SOX5: variants seen among roughly 807,000 people sequenced by gnomAD.
The protein encoded by SOX5 is SRY-box transcription factor 5.
Under a neutral mutation model 92.0 loss-of-function variants are expected in SOX5, and 9 were observed. The observed-to-expected ratio is 0.10, with a 90% confidence interval of 0.06 to 0.17. The LOEUF is 0.17. Among genes scored for constraint, SOX5 ranks in the 10% least tolerant of loss-of-function variants. The pLI is 1.00. For synonymous variants in SOX5, 344 were observed against 336.3 expected, an observed-to-expected ratio of 1.02 and a Z score of -0.25; for missense variants, 642 against 944.5, an observed-to-expected ratio of 0.68 and a Z score of 4.20.
chr12:23,667,702 G>A (rs1420715486), intron 6 of SOX5, among the ~76,000 whole-genome samples: 4 of 152,010 alleles, frequency 2.6e-5, no homozygotes, highest in African/African-American at 7.2e-5. Context: ...AACTGAAAGA[G>A]GAACTACAAG....
At chr12:23,919,728 G>C (rs2097461347) in intron 1 of SOX5, among the ~76,000 whole-genome samples, 1 of 152,166 alleles carries the variant, frequency 6.6e-6, no homozygotes, top group Non-Finnish European at 1.5e-5. Flanking sequence ...AGCAGGGCAG[G>C]ATTCGACCCT....
At chr12:23,846,842 A>G (rs2096580833) in intron 2 of SOX5, among the ~76,000 whole-genome samples, 1 of 152,144 alleles carries the variant, frequency 6.6e-6, no homozygotes, top group Non-Finnish European at 1.5e-5. Flanking sequence ...CATTTGTTAC[A>G]TGAAGCACAG....
At chr12:24,315,094 CA>C (rs1302178197) in intron 2 of SOX5, among the ~76,000 whole-genome samples, 1 of 152,152 alleles carries the variant, frequency 6.6e-6, no homozygotes, top group Non-Finnish European at 1.5e-5. Context: ...TCCCTGAAAT[CA>C]AATCATATGA....
intron 1 of SOX5, among the ~76,000 whole-genome samples, chr12:23,942,464 G>A (rs575712454): frequency 6.6e-5 from 10 of 151,904 alleles, no homozygotes; most frequent in African/African-American, 2.2e-4. Flanking sequence ...CATGATTTGG[G>A]TCTACCTCTT....
At chr12:24,200,297 G>T (rs370564059) in intron 4 of SOX5, among the ~76,000 whole-genome samples, 2 of 152,134 alleles carry the variant, frequency 1.3e-5, no homozygotes, top group Non-Finnish European at 2.9e-5. Context: ...CTTAGATAAG[G>T]TTAGCCAGCT....
intron 4 of SOX5, among the ~76,000 whole-genome samples, chr12:23,743,396 G>A (rs1310874614): frequency 1.3e-5 from 2 of 151,818 alleles, no homozygotes; most frequent in African/African-American, 2.4e-5. Context: ...TGCAAACTCC[G>A]CCTCCTGGGG....
chr12:23,911,867 C>T (rs888564904), intron 1 of SOX5, among the ~76,000 whole-genome samples: 1 of 152,090 alleles, frequency 6.6e-6, no homozygotes, highest in Admixed American at 6.6e-5. Flanking sequence ...CACAGAAGAA[C>T]ATCTTCGTGG....
intron 4 of SOX5, among the ~76,000 whole-genome samples, chr12:24,025,741 C>G (rs773864024): frequency 1.3e-5 from 2 of 152,004 alleles, no homozygotes. Context: ...AATAAAATAG[C>G]ACACCTAAAA....
chr12:24,136,863 A>C (rs551533895), intron 4 of SOX5, among the ~76,000 whole-genome samples: 28 of 152,202 alleles, frequency 1.8e-4, no homozygotes, highest in Non-Finnish European at 4.4e-5. Context: ...TTGTATTCAG[A>C]CTGGACTGAA....
chr12:24,079,193 T>TAA (rs527892706), intron 4 of SOX5, among the ~76,000 whole-genome samples: 7,508 of 144,300 alleles, frequency 0.052, 165 homozygotes, highest in Middle Eastern at 0.068. Flanking sequence ...ACAATAAAAT[T>TAA]AAAAAAAAAA....
intron 6 of SOX5, among the ~76,000 whole-genome samples, chr12:23,727,045 A>T (rs1462010066): frequency 2.6e-5 from 4 of 152,180 alleles, no homozygotes; most frequent in Non-Finnish European, 4.4e-5. Context: ...GAAAACAGGA[A>T]AATAAAAATA....
chr12:24,257,808 A>G (rs1348407387), intron 3 of SOX5, among the ~76,000 whole-genome samples: 1 of 152,062 alleles, frequency 6.6e-6, no homozygotes, highest in East Asian at 1.9e-4. Context: ...AGCCTCCCAC[A>G]GAAGGATCCA....
chr12:23,797,843 A>T (rs547127809), intron 3 of SOX5, among the ~76,000 whole-genome samples: 1 of 152,020 alleles, frequency 6.6e-6, no homozygotes, highest in Admixed American at 6.6e-5. Flanking sequence ...CTCTCAACTT[A>T]CTACCTCCTA....
chr12:23,737,472 G>A (rs563418158), intron 5 of SOX5, among the ~76,000 whole-genome samples: 54 of 152,182 alleles, frequency 3.5e-4, no homozygotes, highest in Admixed American at 1.1e-3. Flanking sequence ...TCTGGGAGGT[G>A]GAGGTTGCAG....
intron 6 of SOX5, among the ~76,000 whole-genome samples, chr12:23,665,943 C>G (rs1259337218): frequency 6.6e-6 from 1 of 152,098 alleles, no homozygotes; most frequent in Non-Finnish European, 1.5e-5. Flanking sequence ...CTTGTTGGGA[C>G]TAATTCTACC....
At chr12:24,477,016 AAG>A (rs1945463789) in intron 1 of SOX5, among the ~76,000 whole-genome samples, 2 of 151,538 alleles carry the variant, frequency 1.3e-5, no homozygotes, top group African/African-American at 2.4e-5. Flanking sequence ...AAAAAAAAAA[AAG>A]AGTTCATTCC....
At chr12:24,543,924 G>C (rs1952373707) in intron 1 of SOX5, among the ~76,000 whole-genome samples, 1 of 152,076 alleles carries the variant, frequency 6.6e-6, no homozygotes, top group East Asian at 1.9e-4. Flanking sequence ...CTATATTTAA[G>C]ATTATGTGAT....
chr12:24,467,730 T>G (rs1416901450), intron 1 of SOX5, among the ~76,000 whole-genome samples: 1 of 152,124 alleles, frequency 6.6e-6, no homozygotes, highest in Non-Finnish European at 1.5e-5. Flanking sequence ...AGATTTATAT[T>G]TTGGAAAAGT....
intron 4 of SOX5, among the ~76,000 whole-genome samples, chr12:24,104,711 C>T (rs1041706131): frequency 5.3e-5 from 8 of 152,142 alleles, no homozygotes; most frequent in African/African-American, 1.7e-4. Flanking sequence ...AGAAACAGTC[C>T]CTTTTCAGAA....
Sources: gnomAD v4.1 joint callset for allele counts (sites outside exome capture counted in the v4.1 genomes callset) on GRCh38, gnomAD v4.1.1 for gene constraint, MANE v1.5 for transcripts, NCBI Gene and HGNC (gene_info 2026-07-23, HGNC 2026-07-21) for gene names.